POU2F3: variants seen among roughly 807,000 people sequenced by gnomAD.
The protein encoded by POU2F3 is POU domain, class 2, transcription factor 3.
A neutral mutation model predicts 59.2 loss-of-function variants in POU2F3; 23 were observed. The ratio of observed to expected loss-of-function variants is 0.39; its 90% CI spans 0.28 to 0.55. The LOEUF (loss-of-function observed/expected upper bound fraction) is 0.55. Among genes scored for constraint, POU2F3 ranks in the 20% least tolerant of loss-of-function variants. POU2F3 has a pLI of 0.66. For synonymous variants in POU2F3, 190 were observed against 214.6 expected (o/e 0.89, Z 1.00); for missense variants, 473 against 544.5 (o/e 0.87, Z 1.31).
In POU2F3 at chr11:120,300,775, A is replaced by C. The variant is rs1423091502; in HGVS notation, c.361+1049A>C. The C allele has an allele frequency of 8.2e-5, 21 of 256,448 alleles. No homozygotes were observed. The Admixed American group carries it at 1.1e-3, about 14-fold the overall frequency. 15.9% of individuals were successfully genotyped at this position (256,448 alleles called of 1,614,324 possible). On this transcript the variant is annotated intron_variant, in intron 5 of 12. Coordinates refer to ENST00000543440, the MANE Select transcript of POU2F3 (RefSeq NM_014352.4). ...CAAAACTCTGTCTCTGAAAAAAAAA[A>C]ATAATGGAGGAAGTATAAACTCTCT...
At chr11:120,237,889 G>A (rs936628489), upstream of POU2F3, among the ~76,000 whole-genome samples, 2 of 152,172 alleles carry the variant, frequency 1.3e-5, no homozygotes, top group Non-Finnish European at 1.5e-5. Flanking sequence ...AGTGTCCTGA[G>A]AGGGACCCCC....
chr11:120,249,581 T>C (rs1179082351), intron 2 of POU2F3, among the ~76,000 whole-genome samples: 1 of 152,194 alleles, frequency 6.6e-6, no homozygotes, highest in Non-Finnish European at 1.5e-5. Flanking sequence ...AATATAGCCT[T>C]ACCCATATTT....
At chr11:120,309,608 T>A in intron 10 of POU2F3, 22 bp downstream of exon 10, 1 of 1,609,088 alleles carries the variant, frequency 6.2e-7, no homozygotes, top group Non-Finnish European at 8.5e-7. Context: ...GGAACCAAGC[T>A]GTCTGCCAAG....
chr11:120,309,469 G>C lies in POU2F3; in HGVS notation c.951G>C (p.Gln317His), dbSNP rs1442439178. Residue 317 changes from glutamine (Q) to histidine (H), a missense_variant, in exon 10 of 13, where the codon CAG becomes CAC. By Grantham distance (24) the Gln-to-His change is conservative (BLOSUM62 0). Transcript: ENST00000543440. Reference sequence around the variant, plus strand: ...AGGAGATCTCCATGATTGCAGAGCAGTTGTCCATGGAGAAGGAGGTGGTGA... The same window carrying C: ...AGGAGATCTCCATGATTGCAGAGCACTTGTCCATGGAGAAGGAGGTGGTGA... The part of the protein sequence containing the change: ...SSEEISMIAE[Q>H]LSMEKEVVRV... 4 of 1,613,942 alleles carry C rather than the reference G, an allele frequency of 2.5e-6. No homozygotes were observed. Among genetic ancestry groups the C allele is most frequent in the Admixed American group, 3.3e-5 (2 of 59,998 alleles).
chr11:120,247,787 A>C (rs1393993933), intron 2 of POU2F3, among the ~76,000 whole-genome samples: 3 of 152,180 alleles, frequency 2.0e-5, no homozygotes, highest in African/African-American at 7.2e-5. Flanking sequence ...CCTAGAGAAA[A>C]ACCAGCCCAG....
At chr11:120,240,811 C>T (rs1354764411) in intron 1 of POU2F3, among the ~76,000 whole-genome samples, 1 of 151,964 alleles carries the variant, frequency 6.6e-6, no homozygotes. Context: ...GGAGGCAAAG[C>T]GGACATTTAG....
chr11:120,278,391 G>A (rs970994382), intron 3 of POU2F3, among the ~76,000 whole-genome samples: 9 of 152,266 alleles, frequency 5.9e-5, no homozygotes, highest in Non-Finnish European at 1.2e-4. Flanking sequence ...ATCTCCCGGG[G>A]TAGCTGTGAT....
chr11:120,268,029 G>C (rs1477490237), intron 2 of POU2F3, among the ~76,000 whole-genome samples: 1 of 151,766 alleles, frequency 6.6e-6, no homozygotes, highest in African/African-American at 2.4e-5. Context: ...CTAACAATAG[G>C]TATAAGTTTA....
upstream of POU2F3, chr11:120,240,073 A>T: frequency 9.0e-7 from 1 of 1,109,522 alleles, no homozygotes; most frequent in Non-Finnish European, 1.1e-6. Flanking sequence ...GCCTGGGGCC[A>T]GGCGCGGGGC....
chr11:120,307,348 G>T, intron 8 of POU2F3, 131 bp from the exon 9 acceptor site: 3 of 1,045,038 alleles, frequency 2.9e-6, no homozygotes, highest in South Asian at 1.5e-5. Context: ...GCTCCCTGCT[G>T]GGGGAGGGGA....
At chr11:120,308,938 CAAAAAAAAAAAAAAAAAAAAAAAAAA>C (rs386375076) in intron 9 of POU2F3, among the ~76,000 whole-genome samples, 2 of 28,758 alleles carry the variant, frequency 7.0e-5, no homozygotes, top group Non-Finnish European at 1.3e-4. Flanking sequence ...GACTCCGTCT[CAAAAAAAAAAAAAAAAAAAAAAAAAA>C]AAAAAAAAAA....
chr11:120,280,652 GT>G (rs1337141390), intron 3 of POU2F3, among the ~76,000 whole-genome samples: 1 of 152,084 alleles, frequency 6.6e-6, no homozygotes, highest in Non-Finnish European at 1.5e-5. Context: ...GAGAGAGTGT[GT>G]TTGTGTGTGT....
chr11:120,269,194 T>C lies in POU2F3; in HGVS notation c.98-16T>C. Reference sequence around the variant, plus strand: ...CCTGCTACCAACTAATATACATATATTTTTATCTTTTCTAGGAAATGATCG... The same window carrying C: ...CCTGCTACCAACTAATATACATATACTTTTATCTTTTCTAGGAAATGATCG... On this transcript the variant is annotated splice_polypyrimidine_tract_variant and intron_variant, in intron 2 of 12. Coordinates refer to ENST00000543440, the MANE Select transcript of POU2F3 (RefSeq NM_014352.4). 1 of 1,568,252 alleles carries C rather than the reference T, an allele frequency of 6.4e-7. No homozygotes were observed. The highest frequency in any genetic ancestry group is 1.1e-5 in the South Asian group (1 of 89,782).
At chr11:120,300,776 A>AAAG in intron 5 of POU2F3, 1 of 255,878 alleles carries the variant, frequency 3.9e-6, no homozygotes, top group Non-Finnish European at 7.6e-6. Flanking sequence ...AAAAAAAAAA[A>AAAG]TAATGGAGGA....
Position 120,305,781 on chromosome 11 carries a change from T to C in POU2F3, c.765T>C (p.Asp255=), listed in dbSNP as rs1452196451. 3 of 1,613,320 alleles carry C rather than the reference T, an allele frequency of 1.9e-6. No individual in the cohort carries two copies. The highest frequency in any genetic ancestry group is 2.2e-5 in the East Asian group (1 of 44,900). ...LKPLLEKWLN[D]AESSPSDPSV... is the part of the protein sequence containing the mutation. ...CCCTGCTGGAGAAGTGGCTGAATGA[T>C]GCAGGTAGGCCTCGCAAACACGGAT... The change falls in exon 8 of 13, where the codon GAT becomes GAC. Residue 255 remains aspartate, a synonymous_variant. Coordinates refer to ENST00000543440, the MANE Select transcript of POU2F3 (RefSeq NM_014352.4).
intron 6 of POU2F3, among the ~76,000 whole-genome samples, chr11:120,304,631 G>A (rs531437171): frequency 6.6e-6 from 1 of 152,152 alleles, no homozygotes; most frequent in African/African-American, 2.4e-5. Context: ...AAAAAACAAA[G>A]CAAGCAACCT....
intron 1 of POU2F3, among the ~76,000 whole-genome samples, chr11:120,245,317 C>T (rs1160399328): frequency 2.0e-5 from 3 of 152,136 alleles, no homozygotes; most frequent in Non-Finnish European, 4.4e-5. Flanking sequence ...TTTTCCTCAT[C>T]CTGATCATCT....
upstream of POU2F3, among the ~76,000 whole-genome samples, chr11:120,238,093 A>T (rs1241090298): frequency 6.6e-6 from 1 of 152,034 alleles, no homozygotes; most frequent in Admixed American, 6.5e-5. Context: ...ATACAAAATT[A>T]GCCGGGCATG....
At position 120,307,427 on chromosome 11, in the gene POU2F3, C is replaced by T. The variant is rs942519483; in HGVS notation, c.770-52C>T. 45 of 1,597,298 alleles carry T rather than the reference C, an allele frequency of 2.8e-5. No homozygotes were observed. The Middle Eastern group carries it at 1.3e-3, about 47-fold the overall frequency. On this transcript the variant is annotated intron_variant, in intron 8 of 12. Coordinates refer to ENST00000543440, the MANE Select transcript of POU2F3 (RefSeq NM_014352.4). ...TTGGACCTCAGATCCATGAAGGCACCGGCCACTCATCCCCTTCTCTGAGCT... is the reference window on the plus strand; with the variant it reads ...TTGGACCTCAGATCCATGAAGGCACTGGCCACTCATCCCCTTCTCTGAGCT...
Sources: allele counts gnomAD v4.1 joint callset (sites outside exome capture counted in the v4.1 genomes callset), GRCh38; gene constraint gnomAD v4.1.1; transcripts MANE v1.5; gene names NCBI Gene and HGNC (gene_info 2026-07-23, HGNC 2026-07-21).